The following CAV3 variants were observed in gnomAD, a reference collection of about 807,000 sequenced individuals.
CAV3 encodes caveolin-3.
In CAV3, 10 loss-of-function variants were observed where a neutral mutation model predicts 13.4. The ratio of observed to expected loss-of-function variants is 0.75; its 90% CI spans 0.46 to 1.27. The LOEUF is 1.27. CAV3 is among the 50% of genes most tolerant of loss of function. CAV3 has a pLI of 0.00. For missense variants in CAV3, 162 were observed against 194.0 expected (o/e 0.83, Z 0.98); for synonymous variants, 90 against 79.0 (o/e 1.14, Z -0.74).
In CAV3 at chr3:8,745,793, T is replaced by A; in HGVS notation, c.382T>A (p.Phe128Ile). 1 of 1,614,046 alleles carries A rather than the reference T, an allele frequency of 6.2e-7. No individual in the cohort carries two copies. Among genetic ancestry groups the A allele is most frequent in the Non-Finnish European group, 8.5e-7 (1 of 1,180,034 alleles). ...SHIYSLCIRT[F>I]CNPLFAALGQ... ...CATCTACTCACTCTGCATCCGCACC[T>A]TCTGCAACCCACTCTTCGCGGCCCT... The change falls in exon 2 of 2, where the codon TTC becomes ATC. Residue 128 changes from phenylalanine (F) to isoleucine (I), a missense_variant. Transcript: ENST00000343849. The surrounding 1 kb of genome is among the most constrained non-coding windows in gnomAD (Gnocchi z 4.8).
At chr3:8,744,445 AT>A (rs141816229) in intron 1 of CAV3, among the ~76,000 whole-genome samples, 6,182 of 111,414 alleles carry the variant, frequency 0.055, 124 homozygotes, top group African/African-American at 0.11. Flanking sequence ...TACCCGGCTA[AT>A]TTTTTTTTTT....
Position 8,733,928 on chromosome 3 carries a change from C to T in CAV3, c.52C>T (p.His18Tyr). The change falls in exon 1 of 2, where the codon CAC becomes TAC. Residue 18 changes from histidine (H) to tyrosine (Y), a missense_variant. Transcript: ENST00000343849. ...CGAGGCCCAGATCGTCAAGGATATC[C>T]ACTGCAAGGAGATTGACCTGGTGAA... ...DLEAQIVKDI[H>Y]CKEIDLVNRD... The T allele has an allele frequency of 1.9e-6, 3 of 1,613,602 alleles. No individual in the cohort carries two copies. The highest frequency in any genetic ancestry group is 2.5e-6 in the Non-Finnish European group (3 of 1,179,614).
chr3:8,742,057 C>T (rs1707980501), intron 1 of CAV3, among the ~76,000 whole-genome samples: 1 of 152,204 alleles, frequency 6.6e-6, no homozygotes, highest in South Asian at 2.1e-4. Flanking sequence ...AAGCCATCTC[C>T]TCTCTTCTGG....
In CAV3 at chr3:8,745,443, T is replaced by A; in HGVS notation, c.115-83T>A. 9.4e-7 allele frequency: 1 copy of A among 1,060,818 alleles called. No homozygotes were observed. Among genetic ancestry groups the A allele is most frequent in the Non-Finnish European group, 1.5e-6 (1 of 687,128 alleles). 65.7% of individuals were successfully genotyped at this position (1,060,818 alleles called of 1,614,324 possible). A position where few individuals can be genotyped will look rare whatever the true frequency, so the allele number is the denominator to read the frequency against. On this transcript the variant is annotated intron_variant, in intron 1 of 1. Transcript: ENST00000343849. The surrounding 1 kb of genome is among the most constrained non-coding windows in gnomAD (Gnocchi z 4.8). ...AAGGTTAACCTGACCTCTAGGGGAT[T>A]CTGACACATGCACGCACACACCCAA...
At position 8,733,876 on chromosome 3, in the gene CAV3, G is replaced by A. The variant is rs74377241; in HGVS notation, c.-1G>A. On this transcript the variant is annotated 5_prime_UTR_variant, in exon 1 of 2. Coordinates refer to ENST00000343849, the MANE Select transcript of CAV3 (RefSeq NM_033337.3). ...CTCCTGTGGATCCCCCCAGCTCTGC[G>A]ATGATGGCAGAAGAGCACACAGATC... The A allele has an allele frequency of 4.1e-4, 654 of 1,592,358 alleles. 3 individuals are homozygous for A. The African/African-American group carries it at 7.3e-3, about 18-fold the overall frequency.
chr3:8,737,606 G>A (rs545314374), intron 1 of CAV3, among the ~76,000 whole-genome samples: 1 of 152,256 alleles, frequency 6.6e-6, no homozygotes, highest in East Asian at 1.9e-4. Context: ...CATGGAGATT[G>A]TAGCTGAGGA....
Position 8,745,813 on chromosome 3 carries a change from G to T in CAV3, c.402G>T (p.Ala134=), listed in dbSNP as rs559206877. 6.2e-7 allele frequency: 1 copy of T among 1,613,822 alleles called. No individual in the cohort carries two copies. Among genetic ancestry groups the T allele is most frequent in the Admixed American group, 1.7e-5 (1 of 60,032 alleles). Reference sequence around the variant, plus strand: ...GCACCTTCTGCAACCCACTCTTCGCGGCCCTGGGCCAGGTCTGCAGCAGCA... The same window carrying T: ...GCACCTTCTGCAACCCACTCTTCGCTGCCCTGGGCCAGGTCTGCAGCAGCA... ...CIRTFCNPLF[A]ALGQVCSSIK... is the part of the protein sequence containing the mutation. The change falls in exon 2 of 2, where the codon GCG becomes GCT. Residue 134 remains alanine, a synonymous_variant. Coordinates refer to ENST00000343849, the MANE Select transcript of CAV3 (RefSeq NM_033337.3). The surrounding 1 kb of genome is among the most constrained non-coding windows in gnomAD (Gnocchi z 4.8).
chr3:8,739,565 A>T (rs541933436), intron 1 of CAV3, among the ~76,000 whole-genome samples: 3 of 151,498 alleles, frequency 2.0e-5, no homozygotes, highest in Non-Finnish European at 4.4e-5. Context: ...GGTTGCCATG[A>T]GCCGAGATCG....
intron 1 of CAV3, 142 bp downstream of exon 1, chr3:8,734,132 A>G: frequency 5.0e-6 from 3 of 604,542 alleles, no homozygotes; most frequent in Non-Finnish European, 8.7e-6. Context: ...TCACCCCCCC[A>G]ACCCCACCCC....
At position 8,744,872 on chromosome 3, in the gene CAV3, G is replaced by A. The variant is rs139169104; in HGVS notation, c.115-654G>A. ...CACCTTGAGGGGGTTGAACGAGCGT[G>A]TTGTGTTGGTCAGCGGTGCCTAGGA... On this transcript the variant is annotated intron_variant, in intron 1 of 1. Coordinates refer to ENST00000343849, the MANE Select transcript of CAV3 (RefSeq NM_033337.3). 4.9e-3 allele frequency: 746 copies of A among 153,288 alleles called. 3 individuals carry two copies. The highest frequency in any genetic ancestry group is 5.0e-3 in the Non-Finnish European group (346 of 68,766). The allele number at this position is 153,288 out of a possible 1,614,324, so 9.5% of individuals were successfully genotyped here. A position where few individuals can be genotyped will look rare whatever the true frequency, so the allele number is the denominator to read the frequency against.
chr3:8,736,859 C>A (rs1707776378), intron 1 of CAV3, among the ~76,000 whole-genome samples: 1 of 152,144 alleles, frequency 6.6e-6, no homozygotes, highest in Non-Finnish European at 1.5e-5. Flanking sequence ...TTGACTTTTT[C>A]TTTCTTTTAT....
intron 1 of CAV3, among the ~76,000 whole-genome samples, chr3:8,735,171 T>C (rs912347654): frequency 3.9e-5 from 6 of 152,224 alleles, no homozygotes; most frequent in Non-Finnish European, 7.3e-5. Flanking sequence ...AGGGATACTG[T>C]TACCACAAGG....
chr3:8,733,840 G>A lies in CAV3; in HGVS notation c.-37G>A, dbSNP rs116840771. On this transcript the variant is annotated 5_prime_UTR_variant, in exon 1 of 2. Transcript: ENST00000343849. Reference sequence around the variant, plus strand: ...ATTTTCAGCCCCAGCCGGCCACACAGCTCGGATCTCCTCCTGTGGATCCCC... The same window carrying A: ...ATTTTCAGCCCCAGCCGGCCACACAACTCGGATCTCCTCCTGTGGATCCCC... The A allele has an allele frequency of 3.7e-3, 4,955 of 1,333,412 alleles. 17 individuals carry two copies. Among genetic ancestry groups the A allele is most frequent in the Middle Eastern group, 8.1e-3 (45 of 5,566 alleles). The allele number at this position is 1,333,412 out of a possible 1,614,324, so 82.6% of individuals were successfully genotyped here.
Position 8,745,288 on chromosome 3 carries a change from G to A in CAV3, c.115-238G>A, listed in dbSNP as rs1406470162. Among the ~76,000 whole-genome samples the A allele has an allele frequency of 7.2e-5, 11 of 152,262 alleles. No homozygotes were observed. The highest frequency in any genetic ancestry group is 2.1e-4 in the South Asian group (1 of 4,820). On this transcript the variant is annotated intron_variant, in intron 1 of 1. Coordinates refer to ENST00000343849, the MANE Select transcript of CAV3 (RefSeq NM_033337.3). This position sits in a 1 kb window ranked among gnomAD's most constrained non-coding sequence, Gnocchi z 4.8. ...CTCACCTGAAGCCAAGCAGATGCCAGCACCATGATTCCTGCACAGATCACA... is the reference window on the plus strand; with the variant it reads ...CTCACCTGAAGCCAAGCAGATGCCAACACCATGATTCCTGCACAGATCACA...
At position 8,745,979 on chromosome 3, in the gene CAV3, C is replaced by A; in HGVS notation, c.*112C>A. On this transcript the variant is annotated 3_prime_UTR_variant, in exon 2 of 2. Coordinates refer to ENST00000343849, the MANE Select transcript of CAV3 (RefSeq NM_033337.3). This position sits in a 1 kb window ranked among gnomAD's most constrained non-coding sequence, Gnocchi z 4.8. ...AGCTCTTTCTCTTTAGGGACTGCTC[C>A]ATACCCCATGATGGAGCACACGGTG... 1 of 816,732 alleles carries A rather than the reference C, an allele frequency of 1.2e-6. No individual in the cohort carries two copies. Among genetic ancestry groups the A allele is most frequent in the Non-Finnish European group, 1.9e-6 (1 of 517,090 alleles). The allele number at this position is 816,732 out of a possible 1,614,324, so 50.6% of individuals were successfully genotyped here.
chr3:8,740,405 C>G (rs544852569), intron 1 of CAV3, among the ~76,000 whole-genome samples: 1 of 152,094 alleles, frequency 6.6e-6, no homozygotes, highest in East Asian at 1.9e-4. Context: ...AGAGCTCCAC[C>G]CAGGGTACTT....
rs1429725278 is a variant in CAV3, at chr3:8,733,815, A to G, written c.-62A>G. The G allele has an allele frequency of 2.0e-6, 2 of 1,016,090 alleles. No individual in the cohort carries two copies. The highest frequency in any genetic ancestry group is 3.1e-6 in the Non-Finnish European group (2 of 644,186). The allele number at this position is 1,016,090 out of a possible 1,614,324, so 62.9% of individuals were successfully genotyped here. A position where few individuals can be genotyped will look rare whatever the true frequency, so the allele number is the denominator to read the frequency against. On this transcript the variant is annotated 5_prime_UTR_variant, in exon 1 of 2. Coordinates refer to ENST00000343849, the MANE Select transcript of CAV3 (RefSeq NM_033337.3). ...CTGAATTGGTCTCTCTGCCCCAAGT[A>G]TTTTCAGCCCCAGCCGGCCACACAG...
At chr3:8,737,535 C>G (rs867097477) in intron 1 of CAV3, among the ~76,000 whole-genome samples, 2 of 152,310 alleles carry the variant, frequency 1.3e-5, no homozygotes, top group Middle Eastern at 6.8e-3. Context: ...CCTGTATACT[C>G]CAACAGACTT....
intron 1 of CAV3, chr3:8,744,765 C>G (rs1198907169): frequency 6.6e-6 from 1 of 152,304 alleles, no homozygotes; most frequent in Non-Finnish European, 1.5e-5. Flanking sequence ...GTCCAACACC[C>G]TTCAGATCAT....
Sources: gnomAD v4.1 joint callset for allele counts (sites outside exome capture counted in the v4.1 genomes callset) on GRCh38, gnomAD v4.1.1 for gene constraint, Gnocchi (gnomAD v3.1) non-coding constraint, MANE v1.5 for transcripts, NCBI Gene and HGNC (gene_info 2026-07-23, HGNC 2026-07-21) for gene names.